The following CUL1 variants were observed in gnomAD, a reference collection of about 807,000 sequenced individuals.
The protein encoded by CUL1 is cullin-1.
CUL1 carries 24 observed loss-of-function variants against 118.0 expected under a neutral mutation model. The observed-to-expected ratio is 0.20, with a 90% CI of 0.15 to 0.29. The LOEUF is 0.29. CUL1 is among the 10% of genes least tolerant of loss of function. The pLI is 1.00. For synonymous variants in CUL1, 332 were observed against 340.4 expected (o/e 0.98, Z 0.27); for missense variants, 361 against 933.8 (o/e 0.39, Z 7.99).
intron 1 of CUL1, among the ~76,000 whole-genome samples, chr7:148,714,823 A>G (rs1005015203): frequency 6.6e-6 from 1 of 152,202 alleles, no homozygotes; most frequent in South Asian, 2.1e-4. Context: ...AGACATGCAC[A>G]GAAGTTCTGT....
chr7:148,759,499 A>G lies in CUL1; in HGVS notation c.535-49A>G, dbSNP rs758275946. On this transcript the variant is annotated intron_variant, in intron 5 of 21. Coordinates refer to ENST00000325222, the MANE Select transcript of CUL1 (RefSeq NM_003592.3). ...ATGTTTAAGGGATATGTAGTAATAT[A>G]TATCATATTCTATAACCTGTGTAAT... 8 of 1,361,804 alleles carry G rather than the reference A, an allele frequency of 5.9e-6. No individual in the cohort carries two copies. In the South Asian group the frequency reaches 7.2e-5, roughly 12 times the overall value. The allele number at this position is 1,361,804 out of a possible 1,614,324, so 84.4% of individuals were successfully genotyped here.
chr7:148,770,252 C>A (rs1269144051), intron 9 of CUL1, among the ~76,000 whole-genome samples: 1 of 152,226 alleles, frequency 6.6e-6, no homozygotes, highest in Non-Finnish European at 1.5e-5. Context: ...AGCTTTTAAA[C>A]AATGCTTGTG....
At position 148,783,706 on chromosome 7, in the gene CUL1, T is replaced by C. The variant is rs1800730113; in HGVS notation, c.1084-77T>C. The C allele has an allele frequency of 1.9e-6, 3 of 1,581,060 alleles. No homozygotes were observed. In the African/African-American group the frequency reaches 4.1e-5, roughly 21 times the overall value. ...GCTTTTAGAATATTTTGTATGCTAG[T>C]ACATGCATTGTATACCTTAATACAC... On this transcript the variant is annotated intron_variant, in intron 9 of 21. Transcript: ENST00000325222.
intron 9 of CUL1, among the ~76,000 whole-genome samples, chr7:148,769,851 G>A (rs1800149675): frequency 6.6e-6 from 1 of 152,040 alleles, no homozygotes; most frequent in Non-Finnish European, 1.5e-5. Context: ...GCAATGTAGT[G>A]AGACCCTGTC....
chr7:148,751,581 A>T (rs1258629316), intron 2 of CUL1, among the ~76,000 whole-genome samples: 1 of 150,308 alleles, frequency 6.7e-6, no homozygotes, highest in Non-Finnish European at 1.5e-5. Context: ...GTCACTTAGT[A>T]TTTCTGTGCT....
rs190245087 is a variant in CUL1 at position 148,750,704 on chromosome 7, G to A, written c.141-3272G>A. ...TAGCTAGAGAGAAGTTAATGCTTGTGTCAAAGCTTCAAAGGACAGGCTGAC... is the reference window on the plus strand; with the variant it reads ...TAGCTAGAGAGAAGTTAATGCTTGTATCAAAGCTTCAAAGGACAGGCTGAC... On this transcript the variant is annotated intron_variant, in intron 2 of 21. Coordinates refer to ENST00000325222, the MANE Select transcript of CUL1 (RefSeq NM_003592.3). 1.1e-4 allele frequency among the ~76,000 whole-genome samples: 16 copies of A among 152,254 alleles called. No individual in the cohort carries two copies. The East Asian group carries it at 3.1e-3, about 29-fold the overall frequency.
In CUL1 at chr7:148,759,359, C is replaced by T; in HGVS notation, c.534+5C>T. 1.2e-6 allele frequency: 2 copies of T among 1,613,836 alleles called. No individual in the cohort carries two copies. The highest frequency in any genetic ancestry group is 1.7e-6 in the Non-Finnish European group (2 of 1,179,796). ...TTCAGGCCACTGAATAAACAGGTAC[C>T]TACTGGTGTGAGCGTGTGCATGTTC... is the stretch of plus-strand genomic sequence containing the variant. On this transcript the variant is annotated splice_donor_5th_base_variant and intron_variant, in intron 5 of 21. Transcript: ENST00000325222.
chr7:148,786,566 G>A lies in CUL1; in HGVS notation c.1314G>A (p.Glu438=), dbSNP rs1027254971. The A allele has an allele frequency of 6.2e-7, 1 of 1,613,866 alleles. No individual in the cohort carries two copies. Among genetic ancestry groups the A allele is most frequent in the Non-Finnish European group, 8.5e-7 (1 of 1,179,870 alleles). The change falls in exon 12 of 22, where the codon GAG becomes GAA. Residue 438 remains glutamate (E), a synonymous_variant. Coordinates refer to ENST00000325222, the MANE Select transcript of CUL1 (RefSeq NM_003592.3). ...AAATTTTCAGTTCCAAGAACCCAGA[G>A]GAGGCAGAACTAGAAGACACACTCA... ...SLLKKSSKNP[E]EAELEDTLNQ...
At chr7:148,715,625 C>T (rs759795725) in intron 1 of CUL1, among the ~76,000 whole-genome samples, 1 of 152,130 alleles carries the variant, frequency 6.6e-6, no homozygotes, top group Admixed American at 6.5e-5. Context: ...TTTTAGTCCT[C>T]ATCTCTATTA....
intron 2 of CUL1, among the ~76,000 whole-genome samples, chr7:148,739,792 ACCTTTG>A (rs1232851285): frequency 4.6e-5 from 7 of 152,072 alleles, no homozygotes; most frequent in African/African-American, 1.7e-4. Flanking sequence ...GACATAAGAA[ACCTTTG>A]CCTAGATCTC....
chr7:148,759,361 A>G lies in CUL1; in HGVS notation c.534+7A>G, dbSNP rs1170350143. ...CAGGCCACTGAATAAACAGGTACCT[A>G]CTGGTGTGAGCGTGTGCATGTTCCT... On this transcript the variant is annotated splice_region_variant and intron_variant, in intron 5 of 21. Transcript: ENST00000325222. 1 of 1,613,838 alleles carries G rather than the reference A, an allele frequency of 6.2e-7. No individual in the cohort carries two copies. The highest frequency in any genetic ancestry group is 2.2e-5 in the East Asian group (1 of 44,852).
intron 9 of CUL1, among the ~76,000 whole-genome samples, chr7:148,782,202 A>C (rs914070316): frequency 6.6e-6 from 1 of 152,260 alleles, no homozygotes; most frequent in Non-Finnish European, 1.5e-5. Context: ...TGGCAGAAGC[A>C]ATATCTATTT....
intron 2 of CUL1, among the ~76,000 whole-genome samples, chr7:148,734,652 C>T (rs1183841898): frequency 1.3e-5 from 2 of 152,136 alleles, no homozygotes; most frequent in African/African-American, 4.8e-5. Flanking sequence ...ATTTCTTATT[C>T]AATTTATTGA....
At chr7:148,752,935 AGCCACCGC>A (rs1408078699) in intron 2 of CUL1, among the ~76,000 whole-genome samples, 2 of 152,200 alleles carry the variant, frequency 1.3e-5, no homozygotes, top group African/African-American at 4.8e-5. Flanking sequence ...TACAGGCGCG[AGCCACCGC>A]GCCCAGCCTG....
intron 2 of CUL1, among the ~76,000 whole-genome samples, chr7:148,746,693 T>C: frequency 6.6e-6 from 1 of 152,232 alleles, no homozygotes. Flanking sequence ...CTTACGAGAA[T>C]GTTAGGATAA....
At chr7:148,777,205 G>T (rs1800430198) in intron 9 of CUL1, among the ~76,000 whole-genome samples, 1 of 152,210 alleles carries the variant, frequency 6.6e-6, no homozygotes, top group Non-Finnish European at 1.5e-5. Flanking sequence ...CAGTTATGGT[G>T]CTGGGATCAG....
At chr7:148,774,297 C>T (rs1800326126) in intron 9 of CUL1, among the ~76,000 whole-genome samples, 1 of 152,168 alleles carries the variant, frequency 6.6e-6, no homozygotes, top group Admixed American at 6.5e-5. Context: ...AGGATACTTT[C>T]TCCAGTGGCT....
At chr7:148,700,780 A>G (rs1234620539) in intron 1 of CUL1, among the ~76,000 whole-genome samples, 1 of 152,156 alleles carries the variant, frequency 6.6e-6, no homozygotes, top group African/African-American at 2.4e-5. Flanking sequence ...TTTAAAAACG[A>G]TTTTGTCAAA....
intron 11 of CUL1, among the ~76,000 whole-genome samples, chr7:148,785,086 T>C: frequency 6.6e-6 from 1 of 152,222 alleles, no homozygotes; most frequent in South Asian, 2.1e-4. Flanking sequence ...AAACATTTGA[T>C]GAAGGTCAAT....
Sources: gnomAD v4.1 joint callset for allele counts (sites outside exome capture counted in the v4.1 genomes callset) on GRCh38, gnomAD v4.1.1 for gene constraint, MANE v1.5 for transcripts, NCBI Gene and HGNC (gene_info 2026-07-23, HGNC 2026-07-21) for gene names.